GPM6A: variants seen among roughly 807,000 people sequenced by gnomAD.
GPM6A encodes neuronal membrane glycoprotein M6-a.
In GPM6A, 7 loss-of-function variants were observed where a neutral mutation model predicts 32.1. The ratio of observed to expected loss-of-function variants is 0.22; its 90% CI spans 0.12 to 0.41. GPM6A has a LOEUF of 0.41. Among genes scored for constraint, GPM6A ranks in the 10% least tolerant of loss-of-function variants. The pLI, the probability that GPM6A is intolerant of heterozygous loss-of-function variation, is 1.00. For missense variants in GPM6A, 235 were observed against 347.2 expected (o/e 0.68, Z 2.57); for synonymous variants, 130 against 123.4 (o/e 1.05, Z -0.35).
intron 1 of GPM6A, among the ~76,000 whole-genome samples, chr4:175,908,691 A>T (rs1738207536): frequency 6.6e-6 from 1 of 152,172 alleles, no homozygotes; most frequent in African/African-American, 2.4e-5. Context: ...GAAGATCTCA[A>T]CAAAGGAAGG....
At chr4:175,876,149 G>T (rs1481179014) in intron 1 of GPM6A, among the ~76,000 whole-genome samples, 2 of 152,074 alleles carry the variant, frequency 1.3e-5, no homozygotes, top group African/African-American at 4.8e-5. Context: ...ATTCCTCTAT[G>T]TAGTTTGATT....
At chr4:175,806,529 A>C (rs983897073) in intron 1 of GPM6A, among the ~76,000 whole-genome samples, 1 of 152,232 alleles carries the variant, frequency 6.6e-6, no homozygotes, top group African/African-American at 2.4e-5. Flanking sequence ...ACAGTACCAC[A>C]GACACTAAAA....
intron 1 of GPM6A, among the ~76,000 whole-genome samples, chr4:175,730,350 C>T (rs1307877992): frequency 6.6e-6 from 1 of 152,036 alleles, no homozygotes. Flanking sequence ...TCAAGCAATT[C>T]GCCTGCCTCA....
At chr4:175,974,372 T>C (rs73016167) in intron 1 of GPM6A, among the ~76,000 whole-genome samples, 1,536 of 152,298 alleles carry the variant, frequency 0.01, 24 homozygotes, top group African/African-American at 0.035. Flanking sequence ...ATTGTTTGTT[T>C]TGAGACAGGG....
chr4:175,650,902 T>C (rs764978052), intron 4 of GPM6A, among the ~76,000 whole-genome samples: 1 of 152,154 alleles, frequency 6.6e-6, no homozygotes, highest in Non-Finnish European at 1.5e-5. Flanking sequence ...AAATAATCCA[T>C]TTGCAAATAT....
At chr4:175,899,840 A>T (rs1222565195) in intron 1 of GPM6A, among the ~76,000 whole-genome samples, 1 of 152,180 alleles carries the variant, frequency 6.6e-6, no homozygotes, top group Non-Finnish European at 1.5e-5. Context: ...CCTCACAAGC[A>T]CAGGCAACCA....
At position 175,951,431 on chromosome 4, in the gene GPM6A, G is replaced by T. The variant is rs1225035495; in HGVS notation, c.-23+50878C>A. On this transcript the variant is annotated intron_variant, in intron 1 of 7. Coordinates refer to the GPM6A transcript ENST00000280187. ...AACAGACAGAAAAGGAAAGAGAGAG[G>T]ATAGAGTTGGACAAGCACTGGCCTA... Among the ~76,000 whole-genome samples, 4 of 152,236 alleles carry T rather than the reference G, an allele frequency of 2.6e-5. No homozygotes were observed. The East Asian group carries it at 7.7e-4, about 29-fold the overall frequency.
chr4:175,930,427 G>GC (rs1473477062), intron 1 of GPM6A, among the ~76,000 whole-genome samples: 2 of 94,900 alleles, frequency 2.1e-5, no homozygotes, highest in East Asian at 4.1e-4. Context: ...CTGTTTTTTG[G>GC]GGGGGGGTTT....
intron 1 of GPM6A, among the ~76,000 whole-genome samples, chr4:175,773,519 T>C (rs1261225060): frequency 6.6e-6 from 1 of 152,202 alleles, no homozygotes; most frequent in Non-Finnish European, 1.5e-5. Flanking sequence ...ATTGATTTTC[T>C]ATTTATCAAA....
At chr4:175,681,264 T>C (rs192641467) in intron 2 of GPM6A, among the ~76,000 whole-genome samples, 79 of 152,302 alleles carry the variant, frequency 5.2e-4, no homozygotes, top group Non-Finnish European at 7.4e-5. Flanking sequence ...GAAGAAAGCA[T>C]TGTTAAGCTT....
chr4:175,749,321 G>C (rs1268235051), intron 1 of GPM6A, among the ~76,000 whole-genome samples: 1 of 152,082 alleles, frequency 6.6e-6, no homozygotes. Flanking sequence ...TTGAAATATT[G>C]TGAGAAATAT....
chr4:175,878,103 C>T (rs1028719881), intron 1 of GPM6A, among the ~76,000 whole-genome samples: 4 of 152,220 alleles, frequency 2.6e-5, no homozygotes, highest in African/African-American at 7.2e-5. Flanking sequence ...AAGAGGTGGG[C>T]TCCCACAACC....
chr4:175,766,962 A>G (rs1221876350), intron 1 of GPM6A, among the ~76,000 whole-genome samples: 2 of 151,402 alleles, frequency 1.3e-5, no homozygotes, highest in African/African-American at 4.9e-5. Flanking sequence ...GCCTCCACTT[A>G]CTCTTTACCT....
At chr4:175,747,269 CA>C (rs5864346) in intron 1 of GPM6A, among the ~76,000 whole-genome samples, 23,331 of 106,728 alleles carry the variant, frequency 0.22, 1,266 homozygotes, top group South Asian at 0.31. Context: ...ACTCCATCTC[CA>C]AAAAAAAAAA....
At chr4:175,683,691 C>G (rs1229900107) in intron 2 of GPM6A, among the ~76,000 whole-genome samples, 2 of 152,088 alleles carry the variant, frequency 1.3e-5, no homozygotes, top group Non-Finnish European at 2.9e-5. Flanking sequence ...CTCTCTTGCT[C>G]CTGCTCTGGC....
intron 6 of GPM6A, among the ~76,000 whole-genome samples, chr4:175,635,469 G>A (rs576039146): frequency 3.6e-4 from 55 of 151,986 alleles, no homozygotes; most frequent in Non-Finnish European, 7.5e-4. Flanking sequence ...TTAATTGGAG[G>A]TTCTATTACC....
At chr4:175,835,533 A>G (rs1476039175) in intron 1 of GPM6A, among the ~76,000 whole-genome samples, 1 of 150,688 alleles carries the variant, frequency 6.6e-6, no homozygotes, top group African/African-American at 2.4e-5. Flanking sequence ...ATTTCTAACC[A>G]CCACTATACT....
chr4:175,881,241 A>G (rs1737265841), intron 1 of GPM6A, among the ~76,000 whole-genome samples: 1 of 152,222 alleles, frequency 6.6e-6, no homozygotes, highest in Non-Finnish European at 1.5e-5. Flanking sequence ...ACACATGAAA[A>G]AATGCTCATC....
At chr4:175,972,714 T>C (rs1050326020) in intron 1 of GPM6A, among the ~76,000 whole-genome samples, 1 of 152,224 alleles carries the variant, frequency 6.6e-6, no homozygotes, top group East Asian at 1.9e-4. Context: ...CATATGTGAA[T>C]ACCTCTGCTT....
Sources: allele counts gnomAD v4.1 joint callset (sites outside exome capture counted in the v4.1 genomes callset), GRCh38; gene constraint gnomAD v4.1.1; transcripts MANE v1.5; gene names NCBI Gene and HGNC (gene_info 2026-07-23, HGNC 2026-07-21).